The following SWT1 variants were observed in gnomAD, a reference collection of about 807,000 sequenced individuals.
The protein encoded by SWT1 is transcriptional protein SWT1.
Under a neutral mutation model 107.3 loss-of-function variants are expected in SWT1, and 33 were observed. The ratio of observed to expected loss-of-function variants is 0.31; its 90% CI spans 0.23 to 0.41. The LOEUF is 0.41. Ranked by LOEUF, SWT1 falls within the 10% of genes least tolerant of loss-of-function variation. SWT1 has a pLI of 1.00. For synonymous variants in SWT1, 345 were observed against 348.3 expected, an observed-to-expected ratio of 0.99 and a Z score of 0.11; for missense variants, 898 against 1,028.9, an observed-to-expected ratio of 0.87 and a Z score of 1.74.
At chr1:185,176,398 A>G (rs1443012234) in intron 5 of SWT1, among the ~76,000 whole-genome samples, 2 of 151,308 alleles carry the variant, frequency 1.3e-5, no homozygotes, top group African/African-American at 4.8e-5. Flanking sequence ...GAAGTGAGGT[A>G]GAATGGGAGA....
At chr1:185,245,931 G>C (rs1467820776) in intron 16 of SWT1, among the ~76,000 whole-genome samples, 1 of 151,830 alleles carries the variant, frequency 6.6e-6, no homozygotes, top group Non-Finnish European at 1.5e-5. Flanking sequence ...ATCATGCCTG[G>C]CTAATTTTTG....
At position 185,286,000 on chromosome 1, in the gene SWT1, T is replaced by C. The variant is rs142792217; in HGVS notation, c.2574-4674T>C. 2.6e-5 allele frequency among the ~76,000 whole-genome samples: 4 copies of C among 152,302 alleles called. No homozygotes were observed. The East Asian group carries it at 7.7e-4, about 29-fold the overall frequency. The stretch of plus-strand genomic sequence containing the variant: ...TTGACAAGTGTAAGTCCTCTAACAT[T>C]TTCCTTTTTCAAGGTTTTGTTATTT... On this transcript the variant is annotated intron_variant, in intron 18 of 18. Transcript: ENST00000367500.
rs781589053 is a variant in SWT1 at position 185,227,685 on chromosome 1, CTT to C, written c.2310-3890_2310-3889del. 5.6e-5 allele frequency: 34 copies of C among 605,232 alleles called. No individual in the cohort carries two copies. In the African/African-American group the frequency reaches 5.7e-4, roughly 10 times the overall value. The allele number at this position is 605,232 out of a possible 1,614,324, so 37.5% of individuals were successfully genotyped here. A position where few individuals can be genotyped will look rare whatever the true frequency, so the allele number is the denominator to read the frequency against. ...TTAAAGTAGGCCTTATTCTTAACAACTTTAACAAACCCCATCCTGCAGAACAG... is the reference window on the plus strand; with the variant it reads ...TTAAAGTAGGCCTTATTCTTAACAACTAACAAACCCCATCCTGCAGAACAG... On this transcript the variant is annotated intron_variant, in intron 15 of 18. Transcript: ENST00000367500.
intron 16 of SWT1, among the ~76,000 whole-genome samples, chr1:185,261,687 T>A (rs1224836642): frequency 7.2e-6 from 1 of 138,356 alleles, no homozygotes; most frequent in Non-Finnish European, 1.6e-5. Context: ...TTTTTTTTTT[T>A]TAAATAGTAG....
At chr1:185,173,095 T>TGTCTGTGA (rs1655226886) in intron 4 of SWT1, among the ~76,000 whole-genome samples, 1 of 150,728 alleles carries the variant, frequency 6.6e-6, no homozygotes, top group African/African-American at 2.4e-5. Flanking sequence ...ATTATTAGCA[T>TGTCTGTGA]GTCTGTGATT....
intron 9 of SWT1, among the ~76,000 whole-genome samples, chr1:185,185,190 A>G (rs890384627): frequency 2.0e-5 from 3 of 152,186 alleles, no homozygotes; most frequent in Non-Finnish European, 4.4e-5. Flanking sequence ...TCTATATCCC[A>G]GAACCTTGGA....
chr1:185,269,958 G>T (rs978405026), intron 16 of SWT1, among the ~76,000 whole-genome samples: 1 of 152,290 alleles, frequency 6.6e-6, no homozygotes, highest in South Asian at 2.1e-4. Context: ...TTATCGGGGT[G>T]TATCCCCATT....
intron 4 of SWT1, among the ~76,000 whole-genome samples, 193 bp from the exon 5 acceptor site, chr1:185,174,179 T>G (rs963951523): frequency 2.1e-4 from 32 of 152,218 alleles, no homozygotes; most frequent in African/African-American, 7.5e-4. Flanking sequence ...AGTTGTAATT[T>G]TTTTTTCCAA....
At chr1:185,266,299 C>T (rs1450941681) in intron 16 of SWT1, among the ~76,000 whole-genome samples, 7 of 152,138 alleles carry the variant, frequency 4.6e-5, no homozygotes, top group East Asian at 3.9e-4. Flanking sequence ...CTCCTGACCT[C>T]GTGATCTGCC....
At chr1:185,164,891 CA>C in intron 2 of SWT1, among the ~76,000 whole-genome samples, 1 of 152,302 alleles carries the variant, frequency 6.6e-6, no homozygotes, top group Middle Eastern at 3.4e-3. Context: ...TTTTCCTTTG[CA>C]TTCATAACTT....
intron 11 of SWT1, among the ~76,000 whole-genome samples, chr1:185,204,261 A>G (rs1023644198): frequency 6.6e-6 from 1 of 152,048 alleles, no homozygotes; most frequent in African/African-American, 2.4e-5. Flanking sequence ...TGGGCAACAG[A>G]GCGAGACTCC....
chr1:185,167,154 C>T (rs571023217), intron 3 of SWT1, among the ~76,000 whole-genome samples: 5 of 152,058 alleles, frequency 3.3e-5, no homozygotes, highest in Admixed American at 6.6e-5. Flanking sequence ...GTGATCTGCC[C>T]GCCTCAGCCT....
At chr1:185,234,036 G>A (rs997240927) in intron 16 of SWT1, among the ~76,000 whole-genome samples, 1 of 152,108 alleles carries the variant, frequency 6.6e-6, no homozygotes, top group Non-Finnish European at 1.5e-5. Context: ...GAGCCTCTGC[G>A]CCCGGCCTAA....
intron 2 of SWT1, among the ~76,000 whole-genome samples, chr1:185,161,626 C>T (rs1003831926): frequency 1.3e-5 from 2 of 151,942 alleles, no homozygotes; most frequent in East Asian, 1.9e-4. Context: ...ACTTGAGCCA[C>T]GGAGACCAAG....
chr1:185,220,305 C>A (rs1241613674), intron 14 of SWT1, among the ~76,000 whole-genome samples: 1 of 149,900 alleles, frequency 6.7e-6, no homozygotes, highest in African/African-American at 2.5e-5. Context: ...TAATCCTTTA[C>A]AAGTAGAATT....
chr1:185,221,001 G>A (rs1010747082), intron 14 of SWT1, among the ~76,000 whole-genome samples: 3 of 152,196 alleles, frequency 2.0e-5, no homozygotes, highest in East Asian at 1.9e-4. Flanking sequence ...CTCTGGGGAA[G>A]TAATCAAGAA....
In SWT1 at chr1:185,271,316, T is replaced by G. The variant is rs190670571; in HGVS notation, c.2442-7T>G. On this transcript the variant is annotated splice_region_variant and splice_polypyrimidine_tract_variant and intron_variant, in intron 16 of 18. Transcript: ENST00000367500. ...TTCCCCCCCTTTGTTTTTATTTTAT[T>G]TTTTAGGATTTTGGCCCCAAACAGT... The G allele has an allele frequency of 2.7e-6, 4 of 1,467,328 alleles. No homozygotes were observed. The African/African-American group carries it at 4.1e-5, about 15-fold the overall frequency. 90.9% of individuals were successfully genotyped at this position (1,467,328 alleles called of 1,614,324 possible). A position where few individuals can be genotyped will look rare whatever the true frequency, so the allele number is the denominator to read the frequency against.
chr1:185,216,929 GA>G (rs1357624002), intron 14 of SWT1, among the ~76,000 whole-genome samples: 2 of 149,764 alleles, frequency 1.3e-5, no homozygotes, highest in Admixed American at 1.3e-4. Context: ...TCCAGCCTGG[GA>G]GACAGAGCAA....
chr1:185,268,975 C>T (rs1663616953), intron 16 of SWT1, among the ~76,000 whole-genome samples: 2 of 151,560 alleles, frequency 1.3e-5, no homozygotes, highest in Non-Finnish European at 1.5e-5. Context: ...GCCTCAGCCT[C>T]CCGAGTAGCT....
Sources: gnomAD v4.1 joint callset for allele counts (sites outside exome capture counted in the v4.1 genomes callset) on GRCh38, gnomAD v4.1.1 for gene constraint, MANE v1.5 for transcripts, NCBI Gene and HGNC (gene_info 2026-07-23, HGNC 2026-07-21) for gene names.